PRKN: variants seen among roughly 807,000 people sequenced by gnomAD.
PRKN encodes E3 ubiquitin-protein ligase parkin.
PRKN carries 56 observed loss-of-function variants against 59.5 expected under a neutral mutation model. The observed-to-expected ratio is 0.94, with a 90% confidence interval of 0.76 to 1.18. The LOEUF is 1.18. PRKN is among the 50% of genes most tolerant of loss of function. The pLI is 0.00. For synonymous variants in PRKN, 250 were observed against 222.1 expected (o/e 1.13, Z -1.12); for missense variants, 657 against 596.4 (o/e 1.10, Z -1.06).
intron 1 of PRKN, among the ~76,000 whole-genome samples, chr6:162,634,519 G>C (rs1436111713): frequency 6.6e-6 from 1 of 152,148 alleles, no homozygotes; most frequent in African/African-American, 2.4e-5. Context: ...CTCTCCTCCA[G>C]CATGAATGCA....
At chr6:161,665,737 T>C (rs1784702744) in intron 7 of PRKN, among the ~76,000 whole-genome samples, 1 of 152,178 alleles carries the variant, frequency 6.6e-6, no homozygotes. Flanking sequence ...AACTCAATAA[T>C]GACAACAATA....
chr6:162,385,641 C>A (rs1036544508), intron 2 of PRKN, among the ~76,000 whole-genome samples: 1 of 152,004 alleles, frequency 6.6e-6, no homozygotes, highest in Non-Finnish European at 1.5e-5. Flanking sequence ...CAAGGCTGAC[C>A]ACAGGCAGAG....
At chr6:161,350,832 T>A (rs1419740599) in intron 11 of PRKN, among the ~76,000 whole-genome samples, 19 of 82,492 alleles carry the variant, frequency 2.3e-4, no homozygotes, top group Admixed American at 8.8e-4. Context: ...ATATTTAAAA[T>A]ATATATATTT....
chr6:161,350,936 TA>T lies in PRKN; in HGVS notation c.1286-726del, dbSNP rs1316098803. Among the ~76,000 whole-genome samples the T allele has an allele frequency of 2.8e-3, 238 of 83,880 alleles. 4 individuals carry two copies. The highest frequency in any genetic ancestry group is 0.011 in the African/African-American group (200 of 18,360). The allele number at this position is 83,880 out of a possible 152,430, so 55.0% of individuals were successfully genotyped here. On this transcript the variant is annotated intron_variant, in intron 11 of 11. Transcript: ENST00000366898. ...TATATATTTATATTTAAAATATATA[TA>T]AATATATTTTATATATTTATATTTA... is the stretch of plus-strand genomic sequence containing the variant.
At chr6:162,178,083 C>T (rs1188054715) in intron 4 of PRKN, among the ~76,000 whole-genome samples, 3 of 152,200 alleles carry the variant, frequency 2.0e-5, no homozygotes, top group Non-Finnish European at 4.4e-5. Flanking sequence ...CACTGACAGG[C>T]TCTGAGTCTC....
chr6:161,785,046 A>G (rs1351961837), intron 7 of PRKN, among the ~76,000 whole-genome samples: 2 of 152,226 alleles, frequency 1.3e-5, no homozygotes, highest in Non-Finnish European at 2.9e-5. Flanking sequence ...TATAGGAAAT[A>G]CCTACAATAG....
At chr6:161,677,684 T>C (rs1199554091) in intron 7 of PRKN, among the ~76,000 whole-genome samples, 6 of 152,226 alleles carry the variant, frequency 3.9e-5, no homozygotes, top group Non-Finnish European at 7.3e-5. Context: ...TTTATGATCC[T>C]GAGGTTGAAA....
intron 4 of PRKN, among the ~76,000 whole-genome samples, chr6:162,107,544 G>A (rs927768145): frequency 2.6e-5 from 4 of 152,214 alleles, no homozygotes; most frequent in Non-Finnish European, 4.4e-5. Context: ...AAATGAGAGA[G>A]AACAGAAGAG....
intron 6 of PRKN, among the ~76,000 whole-genome samples, chr6:161,806,935 T>C (rs1791353838): frequency 6.6e-6 from 1 of 152,156 alleles, no homozygotes; most frequent in Non-Finnish European, 1.5e-5. Context: ...ACCACCTGCA[T>C]AAAAACCCAC....
At chr6:162,129,851 GA>G (rs1229276206) in intron 4 of PRKN, among the ~76,000 whole-genome samples, 1 of 151,966 alleles carries the variant, frequency 6.6e-6, no homozygotes, top group Admixed American at 6.6e-5. Flanking sequence ...CAACATCTGA[GA>G]AACAAATTTT....
At chr6:162,630,960 A>G (rs1783088934) in intron 1 of PRKN, among the ~76,000 whole-genome samples, 1 of 152,186 alleles carries the variant, frequency 6.6e-6, no homozygotes, top group Non-Finnish European at 1.5e-5. Flanking sequence ...GATCAAAAGG[A>G]ATTTTGATCA....
chr6:161,684,177 T>C (rs1785471421), intron 7 of PRKN, among the ~76,000 whole-genome samples: 1 of 152,220 alleles, frequency 6.6e-6, no homozygotes, highest in South Asian at 2.1e-4. Context: ...TTACAAATCA[T>C]GTCTGCTTGG....
intron 5 of PRKN, among the ~76,000 whole-genome samples, chr6:162,033,425 T>C (rs1281145417): frequency 6.6e-6 from 1 of 152,250 alleles, no homozygotes; most frequent in Non-Finnish European, 1.5e-5. Context: ...TATCATAATT[T>C]ATGCTCTGTA....
intron 5 of PRKN, among the ~76,000 whole-genome samples, chr6:162,037,406 G>GGTGTAT (rs755860772): frequency 6.6e-6 from 1 of 152,116 alleles, no homozygotes; most frequent in Non-Finnish European, 1.5e-5. Context: ...CACAAAAACA[G>GGTGTAT]GTGTATGTGT....
chr6:161,411,391 T>C (rs867044783), intron 9 of PRKN, among the ~76,000 whole-genome samples: 2 of 152,184 alleles, frequency 1.3e-5, no homozygotes, highest in African/African-American at 4.8e-5. Flanking sequence ...TGCTCCCTCA[T>C]TGGCCTTCCG....
Position 161,499,602 on chromosome 6 carries a change from T to C in PRKN, c.1083+49252A>G, listed in dbSNP as rs1449889349. Among the ~76,000 whole-genome samples, 1 of 152,232 alleles carries C rather than the reference T, an allele frequency of 6.6e-6. No homozygotes were observed. Among genetic ancestry groups the C allele is most frequent in the African/African-American group, 2.4e-5 (1 of 41,462 alleles). On this transcript the variant is annotated intron_variant, in intron 9 of 11. Coordinates refer to ENST00000366898, the MANE Select transcript of PRKN (RefSeq NM_004562.3). This position sits in a 1 kb window ranked among gnomAD's most constrained non-coding sequence, Gnocchi z 4.2. Reference sequence around the variant, plus strand: ...CTGGTCCACCTGGATCCAAGTTAGCTGAGTTGCTCGTGAAAAATGCAGATT... The same window carrying C: ...CTGGTCCACCTGGATCCAAGTTAGCCGAGTTGCTCGTGAAAAATGCAGATT...
chr6:162,663,592 G>C (rs1273354639), intron 1 of PRKN, among the ~76,000 whole-genome samples: 1 of 152,088 alleles, frequency 6.6e-6, no homozygotes, highest in Non-Finnish European at 1.5e-5. Flanking sequence ...GATTAGATTA[G>C]AACTTGCACT....
intron 1 of PRKN, among the ~76,000 whole-genome samples, chr6:162,531,757 G>A (rs566384508): frequency 3.3e-5 from 5 of 152,158 alleles, no homozygotes; most frequent in African/African-American, 7.2e-5. Context: ...GTCCTACAAA[G>A]GCAATCTAGT....
intron 1 of PRKN, among the ~76,000 whole-genome samples, chr6:162,484,609 G>C (rs939467922): frequency 6.6e-6 from 1 of 152,200 alleles, no homozygotes; most frequent in East Asian, 1.9e-4. Context: ...ATGTTTGTTA[G>C]CCTTCCGAAT....
Sources: allele counts gnomAD v4.1 joint callset (sites outside exome capture counted in the v4.1 genomes callset), GRCh38; gene constraint gnomAD v4.1.1; non-coding constraint Gnocchi (gnomAD v3.1); transcripts MANE v1.5; gene names NCBI Gene and HGNC (gene_info 2026-07-23, HGNC 2026-07-21).